Variants in RPTOR observed in about 807,000 individuals in gnomAD.
The protein encoded by RPTOR is regulatory associated protein of MTOR complex 1, also known as regulatory-associated protein of mTOR.
A neutral mutation model predicts 169.9 loss-of-function variants in RPTOR; 21 were observed. The observed-to-expected ratio is 0.12, with a 90% confidence interval of 0.09 to 0.18. The LOEUF is 0.18. RPTOR is among the 10% of genes least tolerant of loss of function. RPTOR has a pLI of 1.00. For synonymous variants in RPTOR, 732 were observed against 753.2 expected, an observed-to-expected ratio of 0.97 and a Z score of 0.46; for missense variants, 1,133 against 1,855.9, an observed-to-expected ratio of 0.61 and a Z score of 7.16.
chr17:80,568,440 C>T (rs2064869111), intron 1 of RPTOR, among the ~76,000 whole-genome samples: 1 of 152,164 alleles, frequency 6.6e-6, no homozygotes, highest in Non-Finnish European at 1.5e-5. Flanking sequence ...TGCTGTTGGT[C>T]TTACTTTTGT....
chr17:80,962,834 C>G, intron 32 of RPTOR, 94 bp from the exon 33 acceptor site: 1 of 1,567,802 alleles, frequency 6.4e-7, no homozygotes, highest in South Asian at 1.2e-5. Context: ...TCCCCGTGGT[C>G]TAGCCGGCCT....
chr17:80,747,571 C>T (rs914321933), intron 5 of RPTOR, among the ~76,000 whole-genome samples: 1 of 152,252 alleles, frequency 6.6e-6, no homozygotes, highest in Non-Finnish European at 1.5e-5. Context: ...TCCGACTGCT[C>T]CCTCGGCAAC....
At chr17:80,822,500 A>C (rs1276818469) in intron 8 of RPTOR, among the ~76,000 whole-genome samples, 199 bp downstream of exon 8, 4 of 152,246 alleles carry the variant, frequency 2.6e-5, no homozygotes, top group African/African-American at 9.6e-5. Context: ...CCAGGTTCTC[A>C]GAACGGTGGT....
chr17:80,846,637 A>T, intron 11 of RPTOR, 63 bp downstream of exon 11: 1 of 1,405,154 alleles, frequency 7.1e-7, no homozygotes, highest in Non-Finnish European at 1.0e-6. Context: ...AGATGCCTGT[A>T]CAGCCCCGGG....
At chr17:80,574,667 T>G (rs2064944088) in intron 1 of RPTOR, among the ~76,000 whole-genome samples, 1 of 151,982 alleles carries the variant, frequency 6.6e-6, no homozygotes, top group African/African-American at 2.4e-5. Flanking sequence ...TTTGTTGTTG[T>G]TTTTTTGAGA....
intron 7 of RPTOR, among the ~76,000 whole-genome samples, chr17:80,816,927 C>T (rs1208861454): frequency 7.2e-5 from 11 of 152,218 alleles, no homozygotes; most frequent in African/African-American, 1.9e-4. Flanking sequence ...TCCTGCGAGG[C>T]GGCTGCGGGG....
intron 1 of RPTOR, among the ~76,000 whole-genome samples, chr17:80,559,466 T>C (rs1331298208): frequency 6.6e-6 from 1 of 152,176 alleles, no homozygotes; most frequent in African/African-American, 2.4e-5. Flanking sequence ...GAATTAGCCT[T>C]TTCTCCAAGG....
intron 1 of RPTOR, among the ~76,000 whole-genome samples, chr17:80,623,385 T>C (rs2065369619): frequency 6.6e-6 from 1 of 152,218 alleles, no homozygotes; most frequent in South Asian, 2.1e-4. Flanking sequence ...TATGGGGAAA[T>C]ACATATATTT....
intron 20 of RPTOR, among the ~76,000 whole-genome samples, chr17:80,898,686 G>A (rs1422038835): frequency 1.6e-4 from 3 of 19,146 alleles, no homozygotes; most frequent in South Asian, 2.0e-3. Flanking sequence ...ACCCCCCGCC[G>A]CCCCGACTCC....
At chr17:80,869,631 G>A (rs911462415) in intron 13 of RPTOR, among the ~76,000 whole-genome samples, 6 of 152,162 alleles carry the variant, frequency 3.9e-5, no homozygotes, top group Non-Finnish European at 8.8e-5. Flanking sequence ...CTGCGTGTCA[G>A]GCAGCAGGAT....
At chr17:80,675,050 T>C (rs1331787744) in intron 3 of RPTOR, among the ~76,000 whole-genome samples, 2 of 152,096 alleles carry the variant, frequency 1.3e-5, no homozygotes, top group Admixed American at 1.3e-4. Context: ...GTTGGAGATT[T>C]AGGATGATTC....
At chr17:80,869,194 C>G (rs1338263045) in intron 13 of RPTOR, among the ~76,000 whole-genome samples, 2 of 152,196 alleles carry the variant, frequency 1.3e-5, no homozygotes, top group Non-Finnish European at 2.9e-5. Flanking sequence ...GAGCCTCACT[C>G]TGTCGCCCAG....
chr17:80,624,721 A>G (rs2143529324), intron 1 of RPTOR, among the ~76,000 whole-genome samples: 1 of 152,352 alleles, frequency 6.6e-6, no homozygotes, highest in South Asian at 2.1e-4. Context: ...TGTATCATAT[A>G]CCAGAATAAC....
intron 11 of RPTOR, among the ~76,000 whole-genome samples, chr17:80,849,153 T>G (rs2143722778): frequency 1.3e-5 from 2 of 152,356 alleles, no homozygotes; most frequent in African/African-American, 4.8e-5. Context: ...CCGCGCTTTC[T>G]CTTAAAAGCC....
rs149968494 is a variant in RPTOR at position 80,559,949 on chromosome 17, A to G, written c.162+14158A>G. Reference sequence around the variant, plus strand: ...AACAATTGGCTCATGCTGTCTAGAAATGTCAGCATTAGTCAGTGTTTTGTG... The same window carrying G: ...AACAATTGGCTCATGCTGTCTAGAAGTGTCAGCATTAGTCAGTGTTTTGTG... On this transcript the variant is annotated intron_variant, in intron 1 of 33. Coordinates refer to ENST00000306801, the MANE Select transcript of RPTOR (RefSeq NM_020761.3). Among the ~76,000 whole-genome samples, 3 of 152,350 alleles carry G rather than the reference A, an allele frequency of 2.0e-5. No homozygotes were observed. In the East Asian group the frequency reaches 5.8e-4, roughly 29 times the overall value.
intron 24 of RPTOR, among the ~76,000 whole-genome samples, chr17:80,930,280 C>T (rs542711464): frequency 1.9e-5 from 1 of 52,962 alleles, no homozygotes; most frequent in Admixed American, 2.0e-4. Flanking sequence ...AGCTCATCCC[C>T]TGCTCATCCT....
At chr17:80,733,813 T>C (rs936639889) in intron 5 of RPTOR, among the ~76,000 whole-genome samples, 9 of 152,268 alleles carry the variant, frequency 5.9e-5, no homozygotes, top group Admixed American at 5.9e-4. Context: ...TTCCCTCTTA[T>C]TCACTCTATT....
Position 80,665,495 on chromosome 17 carries a change from T to G in RPTOR, c.348+21685T>G, listed in dbSNP as rs537973962. Among the ~76,000 whole-genome samples, 10 of 50,676 alleles carry G rather than the reference T, an allele frequency of 2.0e-4. 1 individual carries two copies. Among genetic ancestry groups the G allele is most frequent in the Non-Finnish European group, 2.6e-4 (7 of 27,104 alleles). The allele number at this position is 50,676 out of a possible 152,430, so 33.2% of individuals were successfully genotyped here. On this transcript the variant is annotated intron_variant, in intron 3 of 33. Transcript: ENST00000306801. ...TTCCTTTCCTTTCCTTTCCTTTCCTTTCCTTTCCATGTCCTTTCCTTTCCT... is the reference window on the plus strand; with the variant it reads ...TTCCTTTCCTTTCCTTTCCTTTCCTGTCCTTTCCATGTCCTTTCCTTTCCT...
At chr17:80,819,487 C>T (rs117072086) in intron 7 of RPTOR, among the ~76,000 whole-genome samples, 343 of 152,282 alleles carry the variant, frequency 2.3e-3, no homozygotes, top group Non-Finnish European at 4.2e-3. Context: ...TTAATCATTT[C>T]CCTCTCATTG....
Sources: allele counts gnomAD v4.1 joint callset (sites outside exome capture counted in the v4.1 genomes callset), GRCh38; gene constraint gnomAD v4.1.1; transcripts MANE v1.5; gene names NCBI Gene and HGNC (gene_info 2026-07-23, HGNC 2026-07-21).